EFCAB6: variants seen among roughly 807,000 people sequenced by gnomAD.
EFCAB6 encodes EF-hand calcium binding domain 6, also known as EF-hand calcium-binding domain-containing protein 6.
EFCAB6 carries 156 observed loss-of-function variants against 169.8 expected under a neutral mutation model. That is an observed-to-expected ratio of 0.92 (90% CI 0.81 to 1.05). The LOEUF is 1.05. Among genes scored for constraint, EFCAB6 ranks in the 50% least tolerant of loss-of-function variants. EFCAB6 has a pLI of 0.00. For synonymous variants in EFCAB6, 698 were observed against 676.4 expected (o/e 1.03, Z -0.50); for missense variants, 1,800 against 1,829.1 (o/e 0.98, Z 0.29).
rs958741671 is a variant in EFCAB6 at position 43,795,732 on chromosome 22, G to A, written c.-8+13263C>T. On this transcript the variant is annotated intron_variant, in intron 2 of 31. Coordinates refer to ENST00000262726, the MANE Select transcript of EFCAB6 (RefSeq NM_022785.4). The surrounding 1 kb of genome is among the most constrained non-coding windows in gnomAD (Gnocchi z 4.2). ...TTTACACCACTCTACCCCCAGCCCC[G>A]AAGTACTCAGCACGTAACTGCTGCT... Among the ~76,000 whole-genome samples, 4 of 151,788 alleles carry A rather than the reference G, an allele frequency of 2.6e-5. No homozygotes were observed. Among genetic ancestry groups the A allele is most frequent in the African/African-American group, 7.3e-5 (3 of 41,282 alleles).
chr22:43,709,925 C>A (rs1475452347), intron 10 of EFCAB6, among the ~76,000 whole-genome samples: 1 of 152,160 alleles, frequency 6.6e-6, no homozygotes, highest in African/African-American at 2.4e-5. Context: ...AGGGAGCTGG[C>A]AAGGAAAGTG....
chr22:43,619,241 A>G (rs1335356485), intron 20 of EFCAB6, among the ~76,000 whole-genome samples: 1 of 152,232 alleles, frequency 6.6e-6, no homozygotes, highest in Non-Finnish European at 1.5e-5. Flanking sequence ...AGAGCGCTGC[A>G]ATGACTTTGA....
chr22:43,628,359 C>A lies in EFCAB6; in HGVS notation c.2233-1680G>T, dbSNP rs978481812. 6.6e-6 allele frequency among the ~76,000 whole-genome samples: 1 copy of A among 152,146 alleles called. No individual in the cohort carries two copies. The highest frequency in any genetic ancestry group is 2.4e-5 in the African/African-American group (1 of 41,440). The stretch of plus-strand genomic sequence containing the variant: ...CTTCAGAGTGCATTAGCACTGGACC[C>A]CCTCTCCCAGGCACACCACCTCGGC... On this transcript the variant is annotated intron_variant, in intron 19 of 31. Transcript: ENST00000262726. This position sits in a 1 kb window ranked among gnomAD's most constrained non-coding sequence, Gnocchi z 4.8.
In EFCAB6 at chr22:43,744,079, GGATGAAT is replaced by G. The variant is rs1777678496; in HGVS notation, c.508-8093_508-8087del. Among the ~76,000 whole-genome samples the G allele has an allele frequency of 6.7e-6, 1 of 148,446 alleles. No homozygotes were observed. The highest frequency in any genetic ancestry group is 2.3e-4 in the South Asian group (1 of 4,396). The stretch of plus-strand genomic sequence containing the variant: ...TGCATGGATGGATGAACGGATGAAT[GGATGAAT>G]GATGAATGAATGAATGAATGAATGA... On this transcript the variant is annotated intron_variant, in intron 6 of 31. Coordinates refer to ENST00000262726, the MANE Select transcript of EFCAB6 (RefSeq NM_022785.4). This position sits in a 1 kb window ranked among gnomAD's most constrained non-coding sequence, Gnocchi z 4.3.
chr22:43,797,629 A>AC (rs1265597371), intron 2 of EFCAB6, among the ~76,000 whole-genome samples: 1 of 152,052 alleles, frequency 6.6e-6, no homozygotes, highest in Non-Finnish European at 1.5e-5. Flanking sequence ...ACACACACAC[A>AC]CACACCCCTA....
intron 28 of EFCAB6, among the ~76,000 whole-genome samples, chr22:43,539,169 G>A (rs1602128794): frequency 6.6e-6 from 1 of 152,130 alleles, no homozygotes; most frequent in African/African-American, 2.4e-5. Context: ...CAGCTGATTA[G>A]CAACTTCAGT....
Position 43,534,751 on chromosome 22 carries a change from G to T in EFCAB6, c.4170C>A (p.Leu1390=). 1.2e-6 allele frequency: 2 copies of T among 1,613,726 alleles called. No homozygotes were observed. Among genetic ancestry groups the T allele is most frequent in the Non-Finnish European group, 1.7e-6 (2 of 1,179,892 alleles). ...AYCDFIQSCV[L]LLKAKESSLM... is the part of the protein sequence containing the mutation. The stretch of plus-strand genomic sequence containing the variant: ...GTGAGCTTTCCTTTGCTTTTAGCAG[G>T]AGGACACAGCTCTGAATGAAGTCAC... Residue 1390 remains leucine (L), a synonymous_variant, in exon 30 of 32, where the codon CTC becomes CTA. Transcript: ENST00000262726.
chr22:43,548,334 A>C (rs983697045), intron 27 of EFCAB6, among the ~76,000 whole-genome samples: 7 of 151,840 alleles, frequency 4.6e-5, no homozygotes, highest in African/African-American at 1.7e-4. Context: ...TGAGGTCAGA[A>C]GTTCAAGACC....
At chr22:43,715,275 G>C (rs906457150) in intron 9 of EFCAB6, among the ~76,000 whole-genome samples, 1 of 152,138 alleles carries the variant, frequency 6.6e-6, no homozygotes, top group Non-Finnish European at 1.5e-5. Flanking sequence ...GCAGGGACTG[G>C]ATAAGCCTGC....
chr22:43,530,764 G>T (rs1017559007), intron 31 of EFCAB6, 51 bp downstream of exon 31: 2 of 1,604,472 alleles, frequency 1.2e-6, no homozygotes, highest in African/African-American at 2.7e-5. Flanking sequence ...CTGGCCGCTG[G>T]CATTTGGCAG....
chr22:43,716,904 C>T lies in EFCAB6; in HGVS notation c.826G>A (p.Glu276Lys). 1.2e-6 allele frequency: 2 copies of T among 1,603,654 alleles called. No homozygotes were observed. Among genetic ancestry groups the T allele is most frequent in the Non-Finnish European group, 1.7e-6 (2 of 1,175,486 alleles). ...AAGGAGTAGTTTCTCCAGATATCTT[C>T]AGATGATGCAGAACCTAGCAAACGT... ...KERLLGSASS[E>K]DIWRNYSLDE... Residue 276 changes from glutamate to lysine, a missense_variant, in exon 9 of 32, where the codon GAA (glutamate) becomes AAA (lysine). Glu to Lys is a moderately conservative substitution (Grantham distance 56). Coordinates refer to ENST00000262726, the MANE Select transcript of EFCAB6 (RefSeq NM_022785.4).
intron 24 of EFCAB6, 36 bp from the exon 25 acceptor site, chr22:43,580,695 T>A (rs769229284): frequency 3.1e-6 from 5 of 1,605,206 alleles, no homozygotes; most frequent in Middle Eastern, 3.3e-4. Context: ...ATATTCATTT[T>A]AAAAAGCCAC....
intron 26 of EFCAB6, among the ~76,000 whole-genome samples, chr22:43,566,788 T>C (rs2014189): frequency 0.46 from 70,398 of 151,970 alleles, 16,760 homozygotes; most frequent in East Asian, 0.75. Flanking sequence ...CCAAAACCCC[T>C]ACCCCTGGAA....
At chr22:43,800,591 C>A (rs911931077) in intron 2 of EFCAB6, among the ~76,000 whole-genome samples, 2 of 152,018 alleles carry the variant, frequency 1.3e-5, no homozygotes, top group Non-Finnish European at 2.9e-5. Flanking sequence ...CACAGAAAAT[C>A]AATTCAGAAC....
chr22:43,680,264 G>A (rs138160042), intron 12 of EFCAB6, among the ~76,000 whole-genome samples: 1 of 152,096 alleles, frequency 6.6e-6, no homozygotes, highest in Non-Finnish European at 1.5e-5. Flanking sequence ...TAAATGTAAG[G>A]GTTTATTTTT....
intron 20 of EFCAB6, among the ~76,000 whole-genome samples, chr22:43,619,528 G>A (rs2053978678): frequency 6.6e-6 from 1 of 152,104 alleles, no homozygotes; most frequent in African/African-American, 2.4e-5. Context: ...TTGTAAAGCA[G>A]CTATTATATT....
intron 21 of EFCAB6, 95 bp downstream of exon 21, chr22:43,615,731 C>T: frequency 9.3e-7 from 1 of 1,075,336 alleles, no homozygotes; most frequent in Non-Finnish European, 1.3e-6. Context: ...GTTTTCCCAT[C>T]TTAGCGTCTG....
At chr22:43,667,586 G>A (rs756232823) in intron 16 of EFCAB6, among the ~76,000 whole-genome samples, 3 of 152,158 alleles carry the variant, frequency 2.0e-5, no homozygotes, top group Non-Finnish European at 2.9e-5. Context: ...TGAGCTGGCC[G>A]AAGGTGGCAT....
chr22:43,660,810 A>G (rs1285376761), intron 17 of EFCAB6, among the ~76,000 whole-genome samples: 1 of 152,216 alleles, frequency 6.6e-6, no homozygotes, highest in Non-Finnish European at 1.5e-5. Context: ...GGAGCTGTGG[A>G]AAGCTAAAAG....
Sources: allele counts gnomAD v4.1 joint callset (sites outside exome capture counted in the v4.1 genomes callset), GRCh38; gene constraint gnomAD v4.1.1; non-coding constraint Gnocchi (gnomAD v3.1); transcripts MANE v1.5; gene names NCBI Gene and HGNC (gene_info 2026-07-23, HGNC 2026-07-21).